Variants in KIF1A observed in about 807,000 individuals in gnomAD.
KIF1A encodes kinesin-like protein KIF1A.
KIF1A carries 46 observed loss-of-function variants against 227.3 expected under a neutral mutation model. The ratio of observed to expected loss-of-function variants is 0.20; its 90% CI spans 0.16 to 0.26. The LOEUF (loss-of-function observed/expected upper bound fraction) is 0.26, where lower values mean the gene tolerates loss of function less well. Ranked by LOEUF, KIF1A falls within the 10% of genes least tolerant of loss-of-function variation. KIF1A has a pLI of 1.00. For missense variants in KIF1A, 1,683 were observed against 2,485.9 expected (o/e 0.68, Z 6.87); for synonymous variants, 1,022 against 1,012.8 (o/e 1.01, Z -0.17).
chr2:240,783,573 C>G (rs2054349076), intron 8 of KIF1A, among the ~76,000 whole-genome samples, 166 bp downstream of exon 8: 1 of 152,208 alleles, frequency 6.6e-6, no homozygotes. Context: ...CGGGCATGGC[C>G]CTCGGCTGCT....
rs893125744 is a variant in KIF1A at position 240,786,221 on chromosome 2, C to A, written c.608+114G>T. On this transcript the variant is annotated intron_variant, in intron 6 of 48. Coordinates refer to ENST00000498729, the MANE Select transcript of KIF1A (RefSeq NM_001244008.2). ...TCGGGCTCAGGAGGCCACACCTCCG[C>A]GGGGGCACAGATGGACCCTACCAAA... 21 of 1,060,370 alleles carry A rather than the reference C, an allele frequency of 2.0e-5. No homozygotes were observed. In the African/African-American group the frequency reaches 3.2e-4, roughly 16 times the overall value. 65.7% of individuals were successfully genotyped at this position (1,060,370 alleles called of 1,614,324 possible). A position where few individuals can be genotyped will look rare whatever the true frequency, so the allele number is the denominator to read the frequency against.
At position 240,724,032 on chromosome 2, in the gene KIF1A, G is replaced by A. The variant is rs1444137658; in HGVS notation, c.4261C>T (p.Arg1421Cys). The A allele has an allele frequency of 1.9e-6, 3 of 1,612,376 alleles. 1 individual carries two copies. Among genetic ancestry groups the A allele is most frequent in the South Asian group, 2.2e-5 (2 of 91,076 alleles). Reference sequence around the variant, plus strand: ...CTGAGCTCGTACACACCAGTCACACGGTTACTGTGGGGAGTAGAAGGAGTG... The same window carrying A: ...CTGAGCTCGTACACACCAGTCACACAGTTACTGTGGGGAGTAGAAGGAGTG... ...SGSLRASESN[R>C]VTGVYELSLC... is the part of the protein sequence containing the mutation. The change falls in exon 41 of 49, where the codon CGT (arginine) becomes TGT (cysteine). Residue 1421 changes from arginine to cysteine, a missense_variant. Physicochemically the swap from Arg to Cys is radical, Grantham distance 180. Transcript: ENST00000498729.
At chr2:240,737,276 A>G (rs1281276312) in intron 37 of KIF1A, 108 bp from the exon 38 acceptor site, 7 of 835,044 alleles carry the variant, frequency 8.4e-6, no homozygotes, top group Non-Finnish European at 1.5e-5. Flanking sequence ...CCACATGGTC[A>G]CTAGAGCGTC....
At chr2:240,770,017 C>G (rs554495711) in intron 15 of KIF1A, among the ~76,000 whole-genome samples, 4 of 152,326 alleles carry the variant, frequency 2.6e-5, no homozygotes, top group African/African-American at 9.6e-5. Context: ...GGCCCAGGTG[C>G]TCAGCCCTCT....
In KIF1A at chr2:240,762,712, C is replaced by A; in HGVS notation, c.2116+7G>T. 1 of 1,582,250 alleles carries A rather than the reference C, an allele frequency of 6.3e-7. No homozygotes were observed. Among genetic ancestry groups the A allele is most frequent in the Non-Finnish European group, 8.6e-7 (1 of 1,157,442 alleles). On this transcript the variant is annotated splice_region_variant and intron_variant, in intron 23 of 48. Transcript: ENST00000498729. Reference sequence around the variant, plus strand: ...ACGCAGCAGGTGCTGGCCCAGTGACCCCTCACCTTCATCCTCGGGCTCCTC... The same window carrying A: ...ACGCAGCAGGTGCTGGCCCAGTGACACCTCACCTTCATCCTCGGGCTCCTC...
rs760590728 is a variant in KIF1A, at chr2:240,717,384, ACCT to A, written c.5353_5355del (p.Arg1785del). On this transcript the variant is annotated inframe_deletion, in exon 49 of 49. Transcript: ENST00000498729. ...CAGGTTCAGACCCGCATCTGGGCAG[ACCT>A]CCTTCTGGAGAGCTTGGACCTGCAG... The A allele has an allele frequency of 3.0e-5, 48 of 1,611,592 alleles. No homozygotes were observed. The highest frequency in any genetic ancestry group is 3.9e-5 in the Non-Finnish European group (46 of 1,179,582).
intron 1 of KIF1A, among the ~76,000 whole-genome samples, chr2:240,801,312 A>G (rs539331442): frequency 0.018 from 876 of 48,046 alleles, 10 homozygotes; most frequent in African/African-American, 0.16. Flanking sequence ...GGAAACTATA[A>G]AAAAAAAAAT....
rs947883278 is a variant in KIF1A, at chr2:240,793,406, A to G, written c.107-4094T>C. ...GTCACACAGCGAGTAAGTCATGAGC[A>G]CAGCCAGGCCCCTCACTCCAGGAAC... On this transcript the variant is annotated intron_variant, in intron 2 of 48. Transcript: ENST00000498729. This position sits in a 1 kb window ranked among gnomAD's most constrained non-coding sequence, Gnocchi z 4.8. Among the ~76,000 whole-genome samples, 1 of 152,226 alleles carries G rather than the reference A, an allele frequency of 6.6e-6. No homozygotes were observed. The highest frequency in any genetic ancestry group is 1.5e-5 in the Non-Finnish European group (1 of 68,038).
chr2:240,738,046 G>A (rs192626960), intron 37 of KIF1A, among the ~76,000 whole-genome samples: 27 of 152,316 alleles, frequency 1.8e-4, no homozygotes, highest in East Asian at 3.9e-4. Context: ...CCTTCCCCAC[G>A]CCAGGGCCCT....
chr2:240,761,452 T>C lies in KIF1A; in HGVS notation c.2117-75A>G, dbSNP rs868675915. The C allele has an allele frequency of 4.3e-5, 61 of 1,419,944 alleles. 1 individual carries two copies. The South Asian group carries it at 8.5e-4, about 20-fold the overall frequency. 88.0% of individuals were successfully genotyped at this position (1,419,944 alleles called of 1,614,324 possible). A position where few individuals can be genotyped will look rare whatever the true frequency, so the allele number is the denominator to read the frequency against. ...CCACCATGCCCCGCCCTCTGGAAGG[T>C]CAGGCTGGTCGGCCACTCCATGGGG... On this transcript the variant is annotated intron_variant, in intron 23 of 48. Coordinates refer to ENST00000498729, the MANE Select transcript of KIF1A (RefSeq NM_001244008.2).
At chr2:240,816,065 G>C (rs111702918) in intron 1 of KIF1A, among the ~76,000 whole-genome samples, 1 of 152,068 alleles carries the variant, frequency 6.6e-6, no homozygotes, top group Non-Finnish European at 1.5e-5. Flanking sequence ...CATTTGAGGG[G>C]GACCTAAAAC....
Position 240,744,039 on chromosome 2 carries a change from A to T in KIF1A, c.3487T>A (p.Ser1163Thr), listed in dbSNP as rs527346259. Residue 1163 changes from serine (S) to threonine (T), a missense_variant, in exon 33 of 49, where the codon TCC becomes ACC. Ser to Thr is a moderately conservative substitution (Grantham distance 58). Transcript: ENST00000498729. Reference sequence around the variant, plus strand: ...TGGCTCTTGATGTACTCAATGAAGGACTTGGTCACCTCCACTGCGATCTGG... The same window carrying T: ...TGGCTCTTGATGTACTCAATGAAGGTCTTGGTCACCTCCACTGCGATCTGG... ...VQNIAVEVTKSFIEYIKSQPI... is the reference protein window; with the variant it reads ...VQNIAVEVTKTFIEYIKSQPI... 5.1e-5 allele frequency: 82 copies of T among 1,613,414 alleles called. No homozygotes were observed. Among genetic ancestry groups the T allele is most frequent in the Non-Finnish European group, 6.6e-5 (78 of 1,179,584 alleles).
rs963815162 is a variant in KIF1A at position 240,739,034 on chromosome 2, G to A, written c.3901+1024C>T. Among the ~76,000 whole-genome samples the A allele has an allele frequency of 6.6e-6, 1 of 152,220 alleles. No individual in the cohort carries two copies. The highest frequency in any genetic ancestry group is 2.4e-5 in the African/African-American group (1 of 41,452). Reference sequence around the variant, plus strand: ...AAACAACCTCTGAAAGGAGGGTTTGGGTGCTTGTTCCATGACTTTCTGATT... The same window carrying A: ...AAACAACCTCTGAAAGGAGGGTTTGAGTGCTTGTTCCATGACTTTCTGATT... On this transcript the variant is annotated intron_variant, in intron 37 of 48. Transcript: ENST00000498729. The surrounding 1 kb of genome is among the most constrained non-coding windows in gnomAD (Gnocchi z 5.6).
chr2:240,747,086 C>T, intron 29 of KIF1A, 150 bp downstream of exon 29: 1 of 592,078 alleles, frequency 1.7e-6, no homozygotes, highest in East Asian at 2.9e-5. Flanking sequence ...AGAGATGGGG[C>T]AGGCTCAGTG....
At chr2:240,786,967 C>T (rs553266180) in intron 5 of KIF1A, among the ~76,000 whole-genome samples, 14 of 152,312 alleles carry the variant, frequency 9.2e-5, no homozygotes, top group Admixed American at 5.2e-4. Flanking sequence ...ACCCCAGCCA[C>T]GGCAGGCATG....
At position 240,789,378 on chromosome 2, in the gene KIF1A, C is replaced by A; in HGVS notation, c.107-66G>T. The A allele has an allele frequency of 7.4e-7, 1 of 1,346,832 alleles. No individual in the cohort carries two copies. The highest frequency in any genetic ancestry group is 1.2e-5 in the South Asian group (1 of 85,106). The allele number at this position is 1,346,832 out of a possible 1,614,324, so 83.4% of individuals were successfully genotyped here. A position where few individuals can be genotyped will look rare whatever the true frequency, so the allele number is the denominator to read the frequency against. On this transcript the variant is annotated intron_variant, in intron 2 of 48. Transcript: ENST00000498729. This position sits in a 1 kb window ranked among gnomAD's most constrained non-coding sequence, Gnocchi z 4.8. ...GGCCCCTGACTAGCTGGCATCTACA[C>A]TCCAAGGTGGGGAGATGGTCTTAAG...
At chr2:240,719,680 G>T in intron 46 of KIF1A, 94 bp downstream of exon 46, 1 of 1,345,974 alleles carries the variant, frequency 7.4e-7, no homozygotes, top group Non-Finnish European at 9.9e-7. Flanking sequence ...AAGTATGAGG[G>T]TCCCTGTGCC....
At chr2:240,751,229 G>A (rs899763710) in intron 27 of KIF1A, among the ~76,000 whole-genome samples, 7 of 152,166 alleles carry the variant, frequency 4.6e-5, no homozygotes, top group African/African-American at 7.2e-5. Context: ...TAGCTGCTGC[G>A]TTCCCTGTGC....
At chr2:240,805,387 T>C (rs1018310734) in intron 1 of KIF1A, among the ~76,000 whole-genome samples, 7 of 152,126 alleles carry the variant, frequency 4.6e-5, no homozygotes, top group African/African-American at 1.7e-4. Context: ...TTAGCAGACA[T>C]GCTAATCAGC....
Sources: gnomAD v4.1 joint callset for allele counts (sites outside exome capture counted in the v4.1 genomes callset) on GRCh38, gnomAD v4.1.1 for gene constraint, Gnocchi (gnomAD v3.1) non-coding constraint, MANE v1.5 for transcripts, NCBI Gene and HGNC (gene_info 2026-07-23, HGNC 2026-07-21) for gene names.